Variants in PEBP4 observed in about 807,000 individuals in gnomAD.
The protein encoded by PEBP4 is phosphatidylethanolamine binding protein 4.
PEBP4 carries 22 observed loss-of-function variants against 23.9 expected under a neutral mutation model. The observed-to-expected ratio is 0.92, with a 90% CI of 0.66 to 1.31. PEBP4 has a LOEUF of 1.31. Ranked by LOEUF, PEBP4 falls within the 40% of genes most tolerant of loss-of-function variation. The probability of loss-of-function intolerance (pLI) is 0.00; values close to 1 mark genes in which losing one functional copy is unlikely to be tolerated. For synonymous variants in PEBP4, 112 were observed against 99.3 expected (o/e 1.13, Z -0.76); for missense variants, 324 against 281.7 (o/e 1.15, Z -1.07).
At chr8:22,794,531 C>G (rs370787468) in intron 4 of PEBP4, among the ~76,000 whole-genome samples, 3 of 152,178 alleles carry the variant, frequency 2.0e-5, no homozygotes. Context: ...GTAATATGCC[C>G]GCCTCAGCCT....
At chr8:22,862,334 T>C (rs997486522) in intron 3 of PEBP4, among the ~76,000 whole-genome samples, 1 of 152,090 alleles carries the variant, frequency 6.6e-6, no homozygotes, top group African/African-American at 2.4e-5. Context: ...TACAGGAGTA[T>C]CTCGTCTGCA....
intron 4 of PEBP4, among the ~76,000 whole-genome samples, chr8:22,792,051 G>A (rs920822449): frequency 6.7e-6 from 1 of 149,884 alleles, no homozygotes; most frequent in Non-Finnish European, 1.5e-5. Flanking sequence ...TAGAGACAGG[G>A]TCTCACTATG....
At chr8:22,900,920 G>T (rs1286695949) in intron 3 of PEBP4, among the ~76,000 whole-genome samples, 2 of 152,074 alleles carry the variant, frequency 1.3e-5, no homozygotes, top group Non-Finnish European at 2.9e-5. Context: ...CAGCTCTCAG[G>T]TTTCCCACAC....
chr8:22,859,745 A>C (rs987161293), intron 3 of PEBP4, among the ~76,000 whole-genome samples: 11 of 152,020 alleles, frequency 7.2e-5, no homozygotes, highest in African/African-American at 2.7e-4. Context: ...CCCTCCTCGT[A>C]CTTTAACTTT....
At chr8:22,887,089 AGTGTGTGTGTGT>A (rs60863527) in intron 3 of PEBP4, 6 of 147,352 alleles carry the variant, frequency 4.1e-5, no homozygotes, top group African/African-American at 1.0e-4. Context: ...GGACACTCCT[AGTGTGTGTGTGT>A]GTGTGTGTGT....
intron 3 of PEBP4, among the ~76,000 whole-genome samples, chr8:22,883,705 T>A (rs924905194): frequency 6.6e-6 from 1 of 152,182 alleles, no homozygotes; most frequent in Non-Finnish European, 1.5e-5. Flanking sequence ...ATAGGCTGAG[T>A]TGCTGCTCAC....
At chr8:22,772,221 G>A (rs780324544) in intron 4 of PEBP4, among the ~76,000 whole-genome samples, 1 of 152,208 alleles carries the variant, frequency 6.6e-6, no homozygotes, top group Non-Finnish European at 1.5e-5. Context: ...AAGGCTTAAT[G>A]CAATTAAGTA....
chr8:22,843,170 G>A (rs1274404020), intron 3 of PEBP4, among the ~76,000 whole-genome samples: 1 of 151,586 alleles, frequency 6.6e-6, no homozygotes, highest in Non-Finnish European at 1.5e-5. Flanking sequence ...CTATGTTTTG[G>A]CCAGGCTGGT....
chr8:22,820,502 T>TTGTTCTAAATGCTTTCTGA (rs1326492568), intron 3 of PEBP4, among the ~76,000 whole-genome samples: 3 of 152,208 alleles, frequency 2.0e-5, no homozygotes, highest in African/African-American at 7.2e-5. Context: ...GCACACCCTG[T>TTGTTCTAAATGCTTTCTGA]TGTTCTAAAT....
At chr8:22,793,424 G>C (rs1806180675) in intron 4 of PEBP4, among the ~76,000 whole-genome samples, 1 of 142,186 alleles carries the variant, frequency 7.0e-6, no homozygotes, top group African/African-American at 2.6e-5. Flanking sequence ...GCACCACCAC[G>C]CCCAGCTCAT....
chr8:22,750,113 C>CT (rs530898279), intron 4 of PEBP4, among the ~76,000 whole-genome samples: 3 of 133,946 alleles, frequency 2.2e-5, no homozygotes, highest in East Asian at 4.6e-4. Context: ...GCCTTTCTTT[C>CT]TTTTTTGAGA....
chr8:22,826,961 T>C (rs1806983368), intron 3 of PEBP4, among the ~76,000 whole-genome samples: 1 of 152,198 alleles, frequency 6.6e-6, no homozygotes, highest in Admixed American at 6.5e-5. Flanking sequence ...GAGACATCAG[T>C]CTCTAGTTCT....
intron 3 of PEBP4, among the ~76,000 whole-genome samples, chr8:22,918,387 C>T (rs948620347): frequency 6.6e-6 from 1 of 152,278 alleles, no homozygotes; most frequent in South Asian, 2.1e-4. Flanking sequence ...CTCCCCACCC[C>T]ACCCCCGGGC....
intron 3 of PEBP4, among the ~76,000 whole-genome samples, chr8:22,824,585 G>A (rs1806928150): frequency 6.6e-6 from 1 of 152,144 alleles, no homozygotes. Context: ...AATCGATAAT[G>A]AAATAATTAT....
intron 3 of PEBP4, among the ~76,000 whole-genome samples, chr8:22,827,254 T>C (rs963080681): frequency 6.6e-6 from 1 of 152,236 alleles, no homozygotes; most frequent in East Asian, 1.9e-4. Context: ...TTACATATAA[T>C]AAACTTCACC....
intron 3 of PEBP4, among the ~76,000 whole-genome samples, chr8:22,823,998 A>G (rs1158084935): frequency 6.6e-6 from 1 of 152,190 alleles, no homozygotes; most frequent in Non-Finnish European, 1.5e-5. Flanking sequence ...GTATGTAGAA[A>G]CAATGGGTAG....
At chr8:22,716,006 T>G (rs1469289205) in intron 6 of PEBP4, among the ~76,000 whole-genome samples, 2 of 152,070 alleles carry the variant, frequency 1.3e-5, no homozygotes, top group East Asian at 3.9e-4. Flanking sequence ...CTGTCTGTGC[T>G]TGGGCCACTC....
At chr8:22,836,113 G>A (rs1807199914) in intron 3 of PEBP4, among the ~76,000 whole-genome samples, 1 of 152,236 alleles carries the variant, frequency 6.6e-6, no homozygotes, top group Non-Finnish European at 1.5e-5. Context: ...GCAGCCTTGG[G>A]CAAGTTGCCT....
At chr8:22,908,781 G>A (rs1323455489) in intron 3 of PEBP4, among the ~76,000 whole-genome samples, 1 of 152,306 alleles carries the variant, frequency 6.6e-6, no homozygotes, top group African/African-American at 2.4e-5. Flanking sequence ...GACTGACAGC[G>A]CAATTTTTAA....
Sources: gnomAD v4.1 joint callset for allele counts (sites outside exome capture counted in the v4.1 genomes callset) on GRCh38, gnomAD v4.1.1 for gene constraint, MANE v1.5 for transcripts, NCBI Gene and HGNC (gene_info 2026-07-23, HGNC 2026-07-21) for gene names.